The following HERC3 variants were observed in gnomAD, a reference collection of about 807,000 sequenced individuals.
HERC3 encodes probable E3 ubiquitin-protein ligase HERC3.
HERC3 carries 58 observed loss-of-function variants against 129.9 expected under a neutral mutation model. The observed-to-expected ratio is 0.45, with a 90% CI of 0.36 to 0.56. The LOEUF (loss-of-function observed/expected upper bound fraction) is 0.56. HERC3 is among the 20% of genes least tolerant of loss of function. The pLI, the probability that HERC3 is intolerant of heterozygous loss-of-function variation, is 0.00. For synonymous variants in HERC3, 430 were observed against 451.0 expected (o/e 0.95, Z 0.59); for missense variants, 835 against 1,244.2 (o/e 0.67, Z 4.95).
At chr4:88,658,977 A>C (rs922073457) in intron 10 of HERC3, among the ~76,000 whole-genome samples, 3 of 152,126 alleles carry the variant, frequency 2.0e-5, no homozygotes, top group African/African-American at 7.2e-5. Context: ...TTTCCCTTCC[A>C]TTGTCTCCTG....
At position 88,667,367 on chromosome 4, in the gene HERC3, G is replaced by A. The variant is rs1318909306; in HGVS notation, c.1332-10G>A. 8.8e-6 allele frequency: 13 copies of A among 1,481,762 alleles called. No individual in the cohort carries two copies. Among genetic ancestry groups the A allele is most frequent in the Non-Finnish European group, 1.2e-5 (13 of 1,077,624 alleles). 91.8% of individuals were successfully genotyped at this position (1,481,762 alleles called of 1,614,324 possible). A position where few individuals can be genotyped will look rare whatever the true frequency, so the allele number is the denominator to read the frequency against. On this transcript the variant is annotated splice_polypyrimidine_tract_variant and intron_variant, in intron 12 of 25. Transcript: ENST00000402738. Reference sequence around the variant, plus strand: ...TTTTATTATATACCTTTTTGATTTTGTTTGTTTAGAATTGATGAACATTTT... The same window carrying A: ...TTTTATTATATACCTTTTTGATTTTATTTGTTTAGAATTGATGAACATTTT...
intron 16 of HERC3, among the ~76,000 whole-genome samples, chr4:88,674,034 A>G (rs1731891383): frequency 6.6e-6 from 1 of 152,034 alleles, no homozygotes; most frequent in Non-Finnish European, 1.5e-5. Flanking sequence ...CTTCCCAGCC[A>G]TCCCACTCAA....
chr4:88,704,398 G>C, intron 24 of HERC3, 110 bp from the exon 25 acceptor site: 1 of 1,231,928 alleles, frequency 8.1e-7, no homozygotes, highest in Non-Finnish European at 1.2e-6. Flanking sequence ...AGATTTAGAG[G>C]TGTCCTGTAT....
chr4:88,678,093 C>G lies in HERC3; in HGVS notation c.2155C>G (p.Leu719Val). The G allele has an allele frequency of 6.2e-7, 1 of 1,613,956 alleles. No homozygotes were observed. The highest frequency in any genetic ancestry group is 8.5e-7 in the Non-Finnish European group (1 of 1,179,964). ...CCTTGTTGGAGATGCCCTAAGAGAGCTGAGCATTCATTCTGATATTGATTT... is the reference window on the plus strand; with the variant it reads ...CCTTGTTGGAGATGCCCTAAGAGAGGTGAGCATTCATTCTGATATTGATTT... ...NNLVGDALRELSIHSDIDLKK... is the reference protein window; with the variant it reads ...NNLVGDALREVSIHSDIDLKK... The change falls in exon 19 of 26, where the codon CTG (leucine) becomes GTG (valine). Residue 719 changes from leucine (L) to valine (V), a missense_variant. Physicochemically the swap from Leu to Val is conservative, Grantham distance 32. Coordinates refer to ENST00000402738, the MANE Select transcript of HERC3 (RefSeq NM_014606.3).
chr4:88,680,252 C>A lies in HERC3; in HGVS notation c.2340+16C>A. 6.4e-7 allele frequency: 1 copy of A among 1,562,048 alleles called. No individual in the cohort carries two copies. The highest frequency in any genetic ancestry group is 1.2e-5 in the South Asian group (1 of 82,732). ...TTCAGACACGGTAAGTAAGTGGTGT[C>A]ACAATTAAACAGATGGATTAAATTA... On this transcript the variant is annotated intron_variant, in intron 20 of 25. Transcript: ENST00000402738.
chr4:88,615,695 A>G (rs534878115), intron 3 of HERC3, among the ~76,000 whole-genome samples: 40 of 152,280 alleles, frequency 2.6e-4, no homozygotes, highest in Non-Finnish European at 5.3e-4. Context: ...AGGGTTGTGA[A>G]GATTTAATAC....
At chr4:88,628,545 A>G (rs1169991649) in intron 3 of HERC3, among the ~76,000 whole-genome samples, 1 of 152,134 alleles carries the variant, frequency 6.6e-6, no homozygotes, top group African/African-American at 2.4e-5. Flanking sequence ...AGAAAAATTG[A>G]CAGAAGACTG....
intron 2 of HERC3, among the ~76,000 whole-genome samples, chr4:88,604,292 T>TA (rs1440916556): frequency 6.6e-6 from 1 of 152,264 alleles, no homozygotes; most frequent in East Asian, 1.9e-4. Context: ...GTGCTGGGAT[T>TA]ACAGGCATGA....
At position 88,654,070 on chromosome 4, in the gene HERC3, C is replaced by CT. The variant is rs746620235; in HGVS notation, c.716dup (p.Leu239PhefsTer10). 6.2e-7 allele frequency: 1 copy of CT among 1,612,976 alleles called. No homozygotes were observed. Among genetic ancestry groups the CT allele is most frequent in the Non-Finnish European group, 8.5e-7 (1 of 1,179,240 alleles). On this transcript the variant is annotated frameshift_variant, in exon 7 of 26. Coordinates refer to ENST00000402738, the MANE Select transcript of HERC3 (RefSeq NM_014606.3). LOFTEE classifies it high-confidence loss of function. The stretch of plus-strand genomic sequence containing the variant: ...GAGAATCTCCATGCCATGTAAAACT[C>CT]TTACGCACGCAAAAAGTTGTCTATA...
chr4:88,681,118 A>G lies in HERC3; in HGVS notation c.2341-41A>G, dbSNP rs202116125. On this transcript the variant is annotated intron_variant, in intron 20 of 25. Transcript: ENST00000402738. Reference sequence around the variant, plus strand: ...GGTAGAATGTTTGAAGGCCAGAAACATTGCATTTCTTTTTAACACATTTGT... The same window carrying G: ...GGTAGAATGTTTGAAGGCCAGAAACGTTGCATTTCTTTTTAACACATTTGT... The G allele has an allele frequency of 9.1e-5, 140 of 1,543,264 alleles. 1 individual carries two copies. In the African/African-American group the frequency reaches 1.8e-3, roughly 20 times the overall value.
rs1186118481 is a variant in HERC3 at position 88,685,110 on chromosome 4, C to G, written c.2508-1626C>G. On this transcript the variant is annotated intron_variant, in intron 21 of 25. Coordinates refer to ENST00000402738, the MANE Select transcript of HERC3 (RefSeq NM_014606.3). ...CAGGAAACAACAGATGCTGGCAAGG[C>G]TCTGAAGAAATAGGAATGCTTTTAC... Among the ~76,000 whole-genome samples, 2 of 152,146 alleles carry G rather than the reference C, an allele frequency of 1.3e-5. 1 individual carries two copies. The highest frequency in any genetic ancestry group is 3.9e-4 in the East Asian group (2 of 5,192).
intron 1 of HERC3, among the ~76,000 whole-genome samples, chr4:88,593,795 A>G (rs1438387070): frequency 6.6e-6 from 1 of 152,234 alleles, no homozygotes; most frequent in Non-Finnish European, 1.5e-5. Flanking sequence ...AGAAATGAAA[A>G]AATAAAAAGT....
chr4:88,628,600 T>C (rs1212319486), intron 3 of HERC3, among the ~76,000 whole-genome samples: 4 of 152,220 alleles, frequency 2.6e-5, no homozygotes, highest in Non-Finnish European at 5.9e-5. Context: ...AGGGATGTTT[T>C]GCCTGCAGTG....
At chr4:88,558,426 C>T in the HERC3 span, among the ~76,000 whole-genome samples, 2 of 152,118 alleles carry the variant, frequency 1.3e-5, no homozygotes, top group Admixed American at 6.5e-5. Flanking sequence ...CATATGTTCT[C>T]ACTTATAAGT....
intron 3 of HERC3, among the ~76,000 whole-genome samples, chr4:88,622,016 A>G (rs999863420): frequency 1.1e-4 from 17 of 152,226 alleles, no homozygotes; most frequent in African/African-American, 4.1e-4. Flanking sequence ...CACATGATTT[A>G]CCCATTTAAC....
At chr4:88,693,778 C>A in intron 23 of HERC3, 2 of 630,582 alleles carry the variant, frequency 3.2e-6, no homozygotes, top group South Asian at 7.1e-5. Context: ...CTGCGTAATA[C>A]TCAGAGAGTT....
chr4:88,529,464 T>G, the HERC3 span, among the ~76,000 whole-genome samples: 1 of 150,212 alleles, frequency 6.7e-6, no homozygotes, highest in African/African-American at 2.5e-5. Context: ...CTCTAAAAAA[T>G]AAAAAAACAG....
chr4:88,616,916 T>C (rs1168308296), intron 3 of HERC3, among the ~76,000 whole-genome samples: 2 of 152,162 alleles, frequency 1.3e-5, no homozygotes, highest in African/African-American at 2.4e-5. Flanking sequence ...GCCAAATCTC[T>C]AGCCTACTAG....
At chr4:88,700,698 G>A (rs896453449) in intron 23 of HERC3, among the ~76,000 whole-genome samples, 2 of 151,958 alleles carry the variant, frequency 1.3e-5, no homozygotes, top group Non-Finnish European at 2.9e-5. Context: ...GTGTGAAGCC[G>A]AGGGGGGTGG....
Sources: gnomAD v4.1 joint callset for allele counts (sites outside exome capture counted in the v4.1 genomes callset) on GRCh38, gnomAD v4.1.1 for gene constraint, MANE v1.5 for transcripts, NCBI Gene and HGNC (gene_info 2026-07-23, HGNC 2026-07-21) for gene names.